The following MICU3 variants were observed in gnomAD, a reference collection of about 807,000 sequenced individuals.
MICU3 encodes mitochondrial calcium uptake 3.
In MICU3, 62 loss-of-function variants were observed where a neutral mutation model predicts 66.5. The ratio of observed to expected loss-of-function variants is 0.93; its 90% CI spans 0.76 to 1.15. The LOEUF (loss-of-function observed/expected upper bound fraction) is 1.15. Ranked by LOEUF, MICU3 falls within the 50% of genes most tolerant of loss-of-function variation. The pLI, the probability that MICU3 is intolerant of heterozygous loss-of-function variation, is 0.00. For synonymous variants in MICU3, 308 were observed against 240.7 expected, an observed-to-expected ratio of 1.28 and a Z score of -2.59; for missense variants, 779 against 664.4, an observed-to-expected ratio of 1.17 and a Z score of -1.90.
At chr8:17,070,883 T>C (rs1469116751) in intron 3 of MICU3, among the ~76,000 whole-genome samples, 3 of 152,062 alleles carry the variant, frequency 2.0e-5, no homozygotes, top group Non-Finnish European at 4.4e-5. Flanking sequence ...TTCAGTTTGG[T>C]AGACGAGAGA....
At chr8:17,062,500 A>C (rs1585289794) in intron 1 of MICU3, among the ~76,000 whole-genome samples, 1 of 152,314 alleles carries the variant, frequency 6.6e-6, no homozygotes, top group Middle Eastern at 3.4e-3. Context: ...GAATGATGGA[A>C]AAGATTAATC....
chr8:17,031,262 T>TTTTTTTTTTTTATTA (rs111800861), intron 1 of MICU3, among the ~76,000 whole-genome samples: 1 of 139,194 alleles, frequency 7.2e-6, no homozygotes, highest in African/African-American at 2.7e-5. Context: ...TGCCACTTCA[T>TTTTTTTTTTTTATTA]TTATTATTAT....
chr8:17,133,507 C>A, the MICU3 span, among the ~76,000 whole-genome samples: 1 of 151,984 alleles, frequency 6.6e-6, no homozygotes, highest in Non-Finnish European at 1.5e-5. Flanking sequence ...ATATATATAT[C>A]TCAAAGATTT....
At chr8:17,079,589 C>T (rs1276036727) in intron 4 of MICU3, among the ~76,000 whole-genome samples, 2 of 151,838 alleles carry the variant, frequency 1.3e-5, no homozygotes, top group African/African-American at 4.8e-5. Flanking sequence ...GTCACCCAGG[C>T]GGGAGTGCAG....
chr8:17,114,283 A>G, intron 12 of MICU3, 82 bp downstream of exon 12: 1 of 810,298 alleles, frequency 1.2e-6, no homozygotes, highest in Non-Finnish European at 2.0e-6. Context: ...TTAATTAAAT[A>G]TGACATATCA....
chr8:17,079,451 C>G (rs1349229525), intron 4 of MICU3, among the ~76,000 whole-genome samples: 1 of 152,012 alleles, frequency 6.6e-6, no homozygotes, highest in Non-Finnish European at 1.5e-5. Flanking sequence ...TTAGAAGAGC[C>G]TTGCTTTTTT....
rs1277179226 is a variant in MICU3 at position 17,069,646 on chromosome 8, G to T, written c.536-42G>T. On this transcript the variant is annotated intron_variant, in intron 2 of 14. Coordinates refer to ENST00000318063, the MANE Select transcript of MICU3 (RefSeq NM_181723.3). ...TAGCAAATATGGATATATATTCCATGAAGTATTTATTATCTAATTATCTTA... is the reference window on the plus strand; with the variant it reads ...TAGCAAATATGGATATATATTCCATTAAGTATTTATTATCTAATTATCTTA... 2.4e-6 allele frequency: 3 copies of T among 1,240,678 alleles called. No homozygotes were observed. The Admixed American group carries it at 6.4e-5, about 26-fold the overall frequency. The allele number at this position is 1,240,678 out of a possible 1,614,324, so 76.9% of individuals were successfully genotyped here. A position where few individuals can be genotyped will look rare whatever the true frequency, so the allele number is the denominator to read the frequency against.
chr8:17,096,389 A>T (rs1800690313), intron 8 of MICU3, among the ~76,000 whole-genome samples: 1 of 151,876 alleles, frequency 6.6e-6, no homozygotes, highest in African/African-American at 2.4e-5. Context: ...GTGGTGATAA[A>T]ACTTCCTACT....
At chr8:17,061,227 G>A (rs1817775775) in intron 1 of MICU3, among the ~76,000 whole-genome samples, 1 of 152,142 alleles carries the variant, frequency 6.6e-6, no homozygotes, top group South Asian at 2.1e-4. Flanking sequence ...GTTGGTAGAG[G>A]TAAAGGAGGA....
At position 17,085,288 on chromosome 8, in the gene MICU3, T is replaced by A; in HGVS notation, c.747T>A (p.Asn249Lys). The change falls in exon 6 of 15, where the codon AAT (asparagine) becomes AAA (lysine). Residue 249 changes from asparagine (N) to lysine (K), a missense_variant. Coordinates refer to ENST00000318063, the MANE Select transcript of MICU3 (RefSeq NM_181723.3). Reference protein sequence around the residue: ...IAFNMFDTDGNEMVDKKEFLV... With the variant: ...IAFNMFDTDGKEMVDKKEFLV... ...TCAACATGTTTGACACTGATGGCAA[T>A]GAGATGGTGGATAAAAAAGAGTTTT... 1 of 1,609,252 alleles carries A rather than the reference T, an allele frequency of 6.2e-7. No individual in the cohort carries two copies. The highest frequency in any genetic ancestry group is 8.5e-7 in the Non-Finnish European group (1 of 1,176,620).
At chr8:17,123,448 A>T (rs1803316442), downstream of MICU3, among the ~76,000 whole-genome samples, 1 of 152,086 alleles carries the variant, frequency 6.6e-6, no homozygotes, top group African/African-American at 2.4e-5. Context: ...TTTTTAATGG[A>T]CTGAGTAGAC....
chr8:17,065,148 T>A (rs1818483741), intron 2 of MICU3, among the ~76,000 whole-genome samples: 1 of 152,188 alleles, frequency 6.6e-6, no homozygotes. Context: ...AAAATCAGTA[T>A]AACAAATAAT....
At chr8:17,032,047 G>A (rs1320746142) in intron 1 of MICU3, among the ~76,000 whole-genome samples, 1 of 152,158 alleles carries the variant, frequency 6.6e-6, no homozygotes, top group Non-Finnish European at 1.5e-5. Context: ...ATATGTATTT[G>A]TTGAATAAAT....
At chr8:17,088,288 T>C (rs1200785804) in intron 7 of MICU3, among the ~76,000 whole-genome samples, 2 of 151,936 alleles carry the variant, frequency 1.3e-5, no homozygotes, top group African/African-American at 4.8e-5. Context: ...TAGTCAAGTA[T>C]CAAAAGGGGC....
chr8:17,034,347 C>T (rs1812603577), intron 1 of MICU3, among the ~76,000 whole-genome samples: 1 of 152,158 alleles, frequency 6.6e-6, no homozygotes, highest in Admixed American at 6.5e-5. Context: ...TGGAGATTTA[C>T]AAGGAGATCA....
chr8:17,065,268 C>G (rs1332593889), intron 2 of MICU3, among the ~76,000 whole-genome samples: 2 of 151,948 alleles, frequency 1.3e-5, no homozygotes, highest in African/African-American at 4.8e-5. Flanking sequence ...CAAAAATGAA[C>G]CTTAAAATAA....
intron 11 of MICU3, among the ~76,000 whole-genome samples, chr8:17,112,518 C>T (rs1440433779): frequency 6.6e-6 from 1 of 152,056 alleles, no homozygotes. Flanking sequence ...ATACATGGCC[C>T]ATTTGTTATT....
At chr8:17,120,246 CTAAA>C (rs1803100493) in intron 14 of MICU3, 38 bp from the exon 15 acceptor site, 1 of 151,992 alleles carries the variant, frequency 6.6e-6, no homozygotes, top group Non-Finnish European at 1.5e-5. Context: ...GAATTATATC[CTAAA>C]TAAATATTGC....
At chr8:17,061,786 T>C (rs1817863286) in intron 1 of MICU3, among the ~76,000 whole-genome samples, 1 of 152,138 alleles carries the variant, frequency 6.6e-6, no homozygotes, top group Non-Finnish European at 1.5e-5. Flanking sequence ...CCCTGAGATA[T>C]GTATATACAA....
Sources: gnomAD v4.1 joint callset for allele counts (sites outside exome capture counted in the v4.1 genomes callset) on GRCh38, gnomAD v4.1.1 for gene constraint, MANE v1.5 for transcripts, NCBI Gene and HGNC (gene_info 2026-07-23, HGNC 2026-07-21) for gene names.